SVOPL: variants seen among roughly 807,000 people sequenced by gnomAD.
The protein encoded by SVOPL is SVOP like.
In SVOPL, 60 loss-of-function variants were observed where a neutral mutation model predicts 61.0. That is an observed-to-expected ratio of 0.98 (90% CI 0.80 to 1.22). The LOEUF is 1.22. Ranked by LOEUF, SVOPL falls within the 50% of genes most tolerant of loss-of-function variation. The probability of loss-of-function intolerance (pLI) is 0.00; values close to 1 mark genes in which losing one functional copy is unlikely to be tolerated. For missense variants in SVOPL, 662 were observed against 643.9 expected, an observed-to-expected ratio of 1.03 and a Z score of -0.30; for synonymous variants, 279 against 250.0, an observed-to-expected ratio of 1.12 and a Z score of -1.09.
chr7:138,689,153 A>G (rs1383621606), intron 1 of SVOPL: 65 of 940,386 alleles, frequency 6.9e-5, no homozygotes, highest in South Asian at 6.4e-4. Context: ...AATAGTGCGT[A>G]CCATTCCGAT....
chr7:138,603,951 T>C (rs1798636916), intron 14 of SVOPL, among the ~76,000 whole-genome samples: 2 of 149,914 alleles, frequency 1.3e-5, no homozygotes, highest in Admixed American at 1.3e-4. Context: ...AACCTTAATT[T>C]ATTCTTTTTT....
At position 138,670,161 on chromosome 7, in the gene SVOPL, C is replaced by T. The variant is rs181582399; in HGVS notation, c.273+1858G>A. On this transcript the variant is annotated intron_variant, in intron 4 of 15. Coordinates refer to ENST00000674285, the MANE Select transcript of SVOPL (RefSeq NM_001139456.2). ...CATTTTGGCTTTAACTTCCAAACTG[C>T]CCTTGGTCATTCCTGGGCATGGGTC... Among the ~76,000 whole-genome samples, 203 of 152,280 alleles carry T rather than the reference C, an allele frequency of 1.3e-3. 1 individual carries two copies. The highest frequency in any genetic ancestry group is 2.3e-3 in the South Asian group (11 of 4,824).
intron 1 of SVOPL, among the ~76,000 whole-genome samples, chr7:138,679,877 T>A (rs542450135): frequency 2.6e-5 from 4 of 152,318 alleles, no homozygotes; most frequent in African/African-American, 9.6e-5. Flanking sequence ...AGAAGATCTG[T>A]GAAATATCAT....
chr7:138,644,826 C>T lies in SVOPL; in HGVS notation c.680G>A (p.Arg227Gln), dbSNP rs144481050. The T allele has an allele frequency of 1.7e-3, 2,730 of 1,614,148 alleles. 7 individuals carry two copies. The highest frequency in any genetic ancestry group is 3.6e-3 in the Admixed American group (217 of 60,010). ...VAFKFIPESA[R>Q]FNVSTGNTRA... ...AGTGTTCCCAGTGGAGACATTGAAC[C>T]GGGCAGATTCAGGAATAAACTGGGT... Residue 227 changes from arginine to glutamine, a missense_variant, in exon 9 of 16, where the codon CGG (arginine) becomes CAG (glutamine). Coordinates refer to ENST00000674285, the MANE Select transcript of SVOPL (RefSeq NM_001139456.2).
intron 9 of SVOPL, among the ~76,000 whole-genome samples, chr7:138,636,787 A>T (rs555403842): frequency 1.5e-4 from 23 of 151,932 alleles, no homozygotes; most frequent in African/African-American, 5.1e-4. Context: ...ATTTTATTTT[A>T]ATTAACTAAT....
rs1159063438 is a variant in SVOPL at position 138,605,640 on chromosome 7, C to CAAAAAAAAAA, written c.1354-9120_1354-9111dup. Among the ~76,000 whole-genome samples, 3 of 84,258 alleles carry CAAAAAAAAAA rather than the reference C, an allele frequency of 3.6e-5. 1 individual carries two copies. Among genetic ancestry groups the CAAAAAAAAAA allele is most frequent in the East Asian group, 3.5e-4 (1 of 2,862 alleles). The allele number at this position is 84,258 out of a possible 152,430, so 55.3% of individuals were successfully genotyped here. On this transcript the variant is annotated intron_variant, in intron 14 of 15. Coordinates refer to ENST00000674285, the MANE Select transcript of SVOPL (RefSeq NM_001139456.2). Reference sequence around the variant, plus strand: ...TCATACCACTGCACTCTAACCTGGGCAAAAAAAAAAAAAAAAAAAATAGAA... The same window carrying CAAAAAAAAAA: ...TCATACCACTGCACTCTAACCTGGGCAAAAAAAAAAAAAAAAAAAAAAAAAAAAAATAGAA...
At chr7:138,644,114 T>C (rs1451851949) in intron 9 of SVOPL, among the ~76,000 whole-genome samples, 1 of 138,244 alleles carries the variant, frequency 7.2e-6, no homozygotes, top group East Asian at 2.2e-4. Flanking sequence ...CACAGGAGAA[T>C]CACTTGAACC....
chr7:138,660,444 G>T (rs1250789482), intron 5 of SVOPL: 3 of 988,200 alleles, frequency 3.0e-6, no homozygotes, highest in Non-Finnish European at 3.6e-6. Flanking sequence ...ACCATTGATT[G>T]TCCAACCCAG....
intron 14 of SVOPL, among the ~76,000 whole-genome samples, chr7:138,599,167 A>AAAAAAAAAAAAAAAAAAAAAAC (rs58372563): frequency 3.3e-5 from 4 of 121,804 alleles, no homozygotes; most frequent in South Asian, 2.6e-4. Context: ...ACCAAAAAAA[A>AAAAAAAAAAAAAAAAAAAAAAC]AAGAAATACA....
chr7:138,670,603 C>A (rs1584859585), intron 4 of SVOPL, among the ~76,000 whole-genome samples: 2 of 152,160 alleles, frequency 1.3e-5, no homozygotes, highest in South Asian at 2.1e-4. Flanking sequence ...CATTCTCTAG[C>A]CCCCTGTCAA....
intron 14 of SVOPL, among the ~76,000 whole-genome samples, chr7:138,599,712 A>AC (rs1368118181): frequency 1.3e-5 from 2 of 152,050 alleles, no homozygotes; most frequent in Non-Finnish European, 2.9e-5. Flanking sequence ...ACAAGGTGAA[A>AC]CCCCGTCTCT....
At chr7:138,626,330 C>A (rs1291379125) in intron 12 of SVOPL, among the ~76,000 whole-genome samples, 1 of 152,144 alleles carries the variant, frequency 6.6e-6, no homozygotes, top group Non-Finnish European at 1.5e-5. Flanking sequence ...GTAATCCCTG[C>A]AGTTTGGGAG....
At chr7:138,618,444 G>C (rs1204475797) in intron 14 of SVOPL, among the ~76,000 whole-genome samples, 1 of 151,998 alleles carries the variant, frequency 6.6e-6, no homozygotes, top group Non-Finnish European at 1.5e-5. Flanking sequence ...CCGATCACCT[G>C]AGGTCAGGAG....
At chr7:138,650,874 C>T (rs1801399000) in intron 7 of SVOPL, among the ~76,000 whole-genome samples, 1 of 125,686 alleles carries the variant, frequency 8.0e-6, no homozygotes, top group Admixed American at 8.3e-5. Context: ...AAAGTATTTT[C>T]CTACTGCTTT....
chr7:138,611,883 G>A (rs1344844903), intron 14 of SVOPL, among the ~76,000 whole-genome samples: 93 of 70,266 alleles, frequency 1.3e-3, no homozygotes, highest in Admixed American at 2.0e-3. Flanking sequence ...CCGCCACCCC[G>A]TCTGGGAGGT....
rs1563095741 is a variant in SVOPL at position 138,621,930 on chromosome 7, GTATC to G, written c.1264-799_1264-796del. ...TGTATCTATCTATGTATCTATCTAT[GTATC>G]TATCTATCTATGTATCTATCTATCT... is the stretch of plus-strand genomic sequence containing the variant. On this transcript the variant is annotated intron_variant, in intron 13 of 15. Transcript: ENST00000674285. Among the ~76,000 whole-genome samples, 80 of 15,444 alleles carry G rather than the reference GTATC, an allele frequency of 5.2e-3. 2 individuals carry two copies. Among genetic ancestry groups the G allele is most frequent in the African/African-American group, 0.014 (71 of 5,106 alleles). The allele number at this position is 15,444 out of a possible 152,430, so 10.1% of individuals were successfully genotyped here.
At chr7:138,599,301 G>A (rs1273943333) in intron 14 of SVOPL, among the ~76,000 whole-genome samples, 2 of 152,126 alleles carry the variant, frequency 1.3e-5, no homozygotes, top group Non-Finnish European at 2.9e-5. Flanking sequence ...TGGGGGTATA[G>A]GGAGTCAGAG....
chr7:138,631,873 C>A (rs1159274416), intron 9 of SVOPL, among the ~76,000 whole-genome samples: 5 of 151,654 alleles, frequency 3.3e-5, no homozygotes, highest in African/African-American at 1.2e-4. Flanking sequence ...CCGGCAGGCT[C>A]ACTCTCCTTT....
intron 1 of SVOPL, among the ~76,000 whole-genome samples, chr7:138,679,551 G>A (rs926360486): frequency 6.6e-6 from 1 of 152,088 alleles, no homozygotes; most frequent in Non-Finnish European, 1.5e-5. Flanking sequence ...GGGATTATAG[G>A]CGTGAACGAC....
Sources: allele counts gnomAD v4.1 joint callset (sites outside exome capture counted in the v4.1 genomes callset), GRCh38; gene constraint gnomAD v4.1.1; transcripts MANE v1.5; gene names NCBI Gene and HGNC (gene_info 2026-07-23, HGNC 2026-07-21).